Variants in PHLDB2 observed in about 807,000 individuals in gnomAD.
PHLDB2 encodes pleckstrin homology-like domain family B member 2.
Under a neutral mutation model 123.6 loss-of-function variants are expected in PHLDB2, and 71 were observed. That is an observed-to-expected ratio of 0.57 (90% CI 0.47 to 0.70). The LOEUF (loss-of-function observed/expected upper bound fraction) is 0.70. PHLDB2 is among the 30% of genes least tolerant of loss of function. PHLDB2 has a pLI of 0.00. For missense variants in PHLDB2, 1,446 were observed against 1,519.5 expected, an observed-to-expected ratio of 0.95 and a Z score of 0.80; for synonymous variants, 547 against 541.6, an observed-to-expected ratio of 1.01 and a Z score of -0.14.
At chr3:111,907,734 C>T (rs1389918955) in intron 2 of PHLDB2, among the ~76,000 whole-genome samples, 1 of 151,940 alleles carries the variant, frequency 6.6e-6, no homozygotes, top group Non-Finnish European at 1.5e-5. Context: ...TCTGGTGATC[C>T]ACACGCCTCA....
intron 1 of PHLDB2, among the ~76,000 whole-genome samples, chr3:111,861,330 C>G (rs562956574): frequency 6.6e-6 from 1 of 152,290 alleles, no homozygotes; most frequent in Admixed American, 6.5e-5. Context: ...ATTTTCTTTG[C>G]CTCTTACATT....
chr3:111,947,991 T>C (rs1207359899), intron 9 of PHLDB2, among the ~76,000 whole-genome samples: 1 of 152,170 alleles, frequency 6.6e-6, no homozygotes, highest in Non-Finnish European at 1.5e-5. Context: ...TCACACTGTT[T>C]TATTGGGGTG....
At chr3:111,811,939 C>T (rs1370902399) in intron 1 of PHLDB2, among the ~76,000 whole-genome samples, 1 of 152,186 alleles carries the variant, frequency 6.6e-6, no homozygotes, top group Non-Finnish European at 1.5e-5. Flanking sequence ...TCCACCTTAA[C>T]TGTGCATGTT....
At chr3:111,734,762 A>G (rs1941628262) in intron 1 of PHLDB2, among the ~76,000 whole-genome samples, 1 of 152,196 alleles carries the variant, frequency 6.6e-6, no homozygotes, top group South Asian at 2.1e-4. Context: ...TTCCCAACCC[A>G]GTGCATTTCC....
At chr3:111,739,591 AAC>A (rs1381683612) in intron 1 of PHLDB2, among the ~76,000 whole-genome samples, 4,889 of 89,494 alleles carry the variant, frequency 0.055, 233 homozygotes, top group Non-Finnish European at 0.076. Flanking sequence ...AAAAAAACAA[AAC>A]AAACAAAAAA....
At chr3:111,971,619 T>G (rs567002968) in intron 16 of PHLDB2, among the ~76,000 whole-genome samples, 2 of 152,174 alleles carry the variant, frequency 1.3e-5, no homozygotes, top group Non-Finnish European at 2.9e-5. Flanking sequence ...CCATCACCTA[T>G]CAGCTTTGTC....
Position 111,942,759 on chromosome 3 carries a change from G to A in PHLDB2, c.2397+2114G>A, listed in dbSNP as rs149087527. Among the ~76,000 whole-genome samples, 12 of 151,590 alleles carry A rather than the reference G, an allele frequency of 7.9e-5. No homozygotes were observed. The East Asian group carries it at 2.3e-3, about 29-fold the overall frequency. On this transcript the variant is annotated intron_variant, in intron 8 of 17. Transcript: ENST00000431670. ...TCATTCACGCTGTTATAGTGTTGCT[G>A]ACTGTCAGTTCAAGGTTAATGAATC...
At chr3:111,932,421 C>T in intron 6 of PHLDB2, 24 bp downstream of exon 6, 2 of 1,530,212 alleles carry the variant, frequency 1.3e-6, no homozygotes, top group Non-Finnish European at 1.8e-6. Context: ...AGGAATGCAC[C>T]AGTTATTTTG....
At chr3:111,932,559 T>C (rs1368875453) in intron 6 of PHLDB2, among the ~76,000 whole-genome samples, 162 bp downstream of exon 6, 1 of 152,234 alleles carries the variant, frequency 6.6e-6, no homozygotes, top group Non-Finnish European at 1.5e-5. Context: ...CAGTATATAT[T>C]ATTCCATGCT....
At chr3:111,890,287 G>C (rs1210022316) in intron 2 of PHLDB2, among the ~76,000 whole-genome samples, 1 of 152,114 alleles carries the variant, frequency 6.6e-6, no homozygotes, top group Non-Finnish European at 1.5e-5. Context: ...CAAAAACTAA[G>C]ACAGACTCAG....
At chr3:111,973,967 T>C (rs1355601915) in intron 17 of PHLDB2, 150 bp downstream of exon 17, 2 of 500,698 alleles carry the variant, frequency 4.0e-6, no homozygotes, top group Non-Finnish European at 7.3e-6. Context: ...ATGAAGTAAG[T>C]GGGATGGCCG....
At chr3:111,866,014 ATTTTTTT>A (rs61038523) in intron 1 of PHLDB2, among the ~76,000 whole-genome samples, 1,354 of 57,446 alleles carry the variant, frequency 0.024, 41 homozygotes, top group Middle Eastern at 0.083. Flanking sequence ...CCACCCACTC[ATTTTTTT>A]TTTTTTTTTT....
At chr3:111,845,861 A>G (rs2063961049) in exon 2 of PHLDB2, 3 of 1,614,116 alleles carry the variant, frequency 1.9e-6, no homozygotes, top group Admixed American at 3.3e-5. Context: ...ATTCAGCAGA[A>G]GATCCTGATG....
intron 13 of PHLDB2, among the ~76,000 whole-genome samples, chr3:111,962,725 T>G (rs986516501): frequency 6.6e-6 from 1 of 150,816 alleles, no homozygotes; most frequent in Admixed American, 6.6e-5. Context: ...AGGTCAGGAG[T>G]TCAAGACCAG....
intron 2 of PHLDB2, among the ~76,000 whole-genome samples, chr3:111,910,523 G>A (rs1418716340): frequency 1.3e-5 from 2 of 152,134 alleles, no homozygotes; most frequent in Non-Finnish European, 2.9e-5. Context: ...GTTTTAAGTA[G>A]GGGGACAGAC....
Position 111,851,662 on chromosome 3 carries a change from T to C in PHLDB2, c.67+5727T>C, listed in dbSNP as rs188718276. Among the ~76,000 whole-genome samples, 16 of 152,320 alleles carry C rather than the reference T, an allele frequency of 1.1e-4. No individual in the cohort carries two copies. In the East Asian group the frequency reaches 2.9e-3, roughly 28 times the overall value. On this transcript the variant is annotated intron_variant, in intron 2 of 17. Transcript: ENST00000393923. ...TCACCCTATGCCTATATAATCATGTTGTTCCACTTCCTACATAGCCGCTGG... is the reference window on the plus strand; with the variant it reads ...TCACCCTATGCCTATATAATCATGTCGTTCCACTTCCTACATAGCCGCTGG...
At chr3:111,853,648 G>C (rs2064358113) in intron 2 of PHLDB2, among the ~76,000 whole-genome samples, 1 of 152,110 alleles carries the variant, frequency 6.6e-6, no homozygotes, top group African/African-American at 2.4e-5. Context: ...GGCCGAGGTG[G>C]GTGGATCAAC....
intron 9 of PHLDB2, 117 bp from the exon 10 acceptor site, chr3:111,948,815 C>T (rs1490537733): frequency 3.5e-6 from 3 of 860,846 alleles, no homozygotes; most frequent in Non-Finnish European, 3.6e-6. Context: ...TTTGATAATA[C>T]CACAGATATC....
intron 2 of PHLDB2, among the ~76,000 whole-genome samples, chr3:111,897,923 G>A (rs1274102314): frequency 6.6e-6 from 1 of 152,104 alleles, no homozygotes; most frequent in Non-Finnish European, 1.5e-5. Flanking sequence ...GTTTCCCAGT[G>A]CATATTAAAG....
Sources: allele counts gnomAD v4.1 joint callset (sites outside exome capture counted in the v4.1 genomes callset), GRCh38; gene constraint gnomAD v4.1.1; transcripts MANE v1.5; gene names NCBI Gene and HGNC (gene_info 2026-07-23, HGNC 2026-07-21).